Variants in SLC14A2 observed in about 807,000 individuals in gnomAD.
SLC14A2 encodes the protein urea transporter 2.
A neutral mutation model predicts 104.6 loss-of-function variants in SLC14A2; 91 were observed. The observed-to-expected ratio is 0.87, with a 90% confidence interval of 0.73 to 1.04. SLC14A2 has a LOEUF of 1.04. SLC14A2 is among the 50% of genes least tolerant of loss of function. SLC14A2 has a pLI of 0.00. For synonymous variants in SLC14A2, 476 were observed against 466.4 expected, an observed-to-expected ratio of 1.02 and a Z score of -0.27; for missense variants, 1,189 against 1,156.0, an observed-to-expected ratio of 1.03 and a Z score of -0.41.
chr18:45,553,460 G>A (rs566469584), intron 2 of SLC14A2, among the ~76,000 whole-genome samples: 31 of 152,170 alleles, frequency 2.0e-4, no homozygotes, highest in Non-Finnish European at 3.8e-4. Flanking sequence ...GATGACAACT[G>A]AGCAGGGATT....
chr18:45,654,139 G>GGC (rs989875420), intron 10 of SLC14A2, among the ~76,000 whole-genome samples: 6 of 151,270 alleles, frequency 4.0e-5, no homozygotes, highest in East Asian at 1.9e-4. Flanking sequence ...AGGAATGCTG[G>GGC]GGGGGACGTG....
At chr18:45,609,072 G>A (rs939169990) in intron 2 of SLC14A2, among the ~76,000 whole-genome samples, 3 of 152,158 alleles carry the variant, frequency 2.0e-5, no homozygotes, top group Non-Finnish European at 2.9e-5. Flanking sequence ...AGCCCCACCA[G>A]GGAGTCTTTG....
At chr18:45,507,227 TA>T (rs1332899891) in intron 2 of SLC14A2, 1 of 152,380 alleles carries the variant, frequency 6.6e-6, no homozygotes, top group African/African-American at 2.4e-5. Context: ...GGGAAGGTCC[TA>T]GGGGAGGTGG....
At position 45,678,928 on chromosome 18, in the gene SLC14A2, TTAAA is replaced by T. The variant is rs773496733; in HGVS notation, c.2513-44_2513-41del. On this transcript the variant is annotated intron_variant, in intron 18 of 19. Coordinates refer to ENST00000255226, the MANE Select transcript of SLC14A2 (RefSeq NM_007163.4). ...TATGTAGAGCAATCTTGAGGTGCTA[TTAAA>T]TAGTTACTGGTCTATTTCTTTCTTT... 3.9e-6 allele frequency: 6 copies of T among 1,526,688 alleles called. No individual in the cohort carries two copies. In the South Asian group the frequency reaches 5.8e-5, roughly 15 times the overall value. 94.6% of individuals were successfully genotyped at this position (1,526,688 alleles called of 1,614,324 possible). A position where few individuals can be genotyped will look rare whatever the true frequency, so the allele number is the denominator to read the frequency against.
At chr18:45,390,619 G>C (rs2085950012) in intron 1 of SLC14A2, among the ~76,000 whole-genome samples, 1 of 152,154 alleles carries the variant, frequency 6.6e-6, no homozygotes, top group Non-Finnish European at 1.5e-5. Context: ...GCACACATAA[G>C]AGAGGGTATA....
intron 1 of SLC14A2, among the ~76,000 whole-genome samples, chr18:45,367,184 A>G (rs959758555): frequency 6.6e-6 from 1 of 152,240 alleles, no homozygotes; most frequent in Non-Finnish European, 1.5e-5. Context: ...GAAACTTTGA[A>G]GTCCACCTTT....
chr18:45,566,250 G>A (rs1330592423), intron 2 of SLC14A2, among the ~76,000 whole-genome samples: 3 of 152,164 alleles, frequency 2.0e-5, no homozygotes, highest in African/African-American at 7.2e-5. Flanking sequence ...CTGAGGCTTG[G>A]AGAAGTTTAG....
chr18:45,401,566 AT>A (rs2144453475), intron 1 of SLC14A2, among the ~76,000 whole-genome samples: 1 of 152,336 alleles, frequency 6.6e-6, no homozygotes, highest in African/African-American at 2.4e-5. Flanking sequence ...CAGCAAAAGA[AT>A]TTGGTGCATT....
chr18:45,579,364 A>G (rs950951437), intron 2 of SLC14A2, among the ~76,000 whole-genome samples: 2 of 152,190 alleles, frequency 1.3e-5, no homozygotes, highest in African/African-American at 4.8e-5. Context: ...GAAACACACA[A>G]CTTCATGCAA....
At chr18:45,479,951 G>T (rs529782790) in intron 1 of SLC14A2, among the ~76,000 whole-genome samples, 31 of 152,262 alleles carry the variant, frequency 2.0e-4, no homozygotes, top group African/African-American at 7.5e-4. Flanking sequence ...TTCCATGAGG[G>T]TCTTCATCAT....
intron 2 of SLC14A2, among the ~76,000 whole-genome samples, chr18:45,530,189 A>T (rs539957296): frequency 8.4e-4 from 128 of 152,326 alleles, no homozygotes; most frequent in African/African-American, 2.9e-3. Flanking sequence ...TGTGCTAGGT[A>T]CTTGGGACGT....
chr18:45,416,169 T>C (rs1251064763), intron 1 of SLC14A2, among the ~76,000 whole-genome samples: 1 of 152,148 alleles, frequency 6.6e-6, no homozygotes, highest in African/African-American at 2.4e-5. Flanking sequence ...TAGAATTCAT[T>C]TGCCTATTTT....
chr18:45,506,646 C>A (rs566748421), intron 2 of SLC14A2, among the ~76,000 whole-genome samples: 1 of 152,298 alleles, frequency 6.6e-6, no homozygotes, highest in African/African-American at 2.4e-5. Context: ...ATGCCAGGAG[C>A]CACCAGAAGT....
chr18:45,224,506 G>C (rs949854845), intron 1 of SLC14A2, among the ~76,000 whole-genome samples: 4 of 152,128 alleles, frequency 2.6e-5, no homozygotes, highest in Non-Finnish European at 5.9e-5. Flanking sequence ...CTGAGGGCTG[G>C]GTGAATGGGC....
rs141248863 is a variant in SLC14A2 at position 45,240,330 on chromosome 18, C to T, written c.-125+27139C>T. The stretch of plus-strand genomic sequence containing the variant: ...CAGGATGGTCTTGATCTCCTGACCT[C>T]GTGATCAGCCCACCTCGGCCCCCCA... On this transcript the variant is annotated intron_variant, in intron 1 of 20. Coordinates refer to the SLC14A2 transcript ENST00000586448. Among the ~76,000 whole-genome samples the T allele has an allele frequency of 2.2e-3, 329 of 151,640 alleles. 2 individuals are homozygous for T. The highest frequency in any genetic ancestry group is 3.9e-3 in the Non-Finnish European group (262 of 67,902).
At chr18:45,654,136 C>CTGG (rs998670015) in intron 10 of SLC14A2, among the ~76,000 whole-genome samples, 2 of 55,040 alleles carry the variant, frequency 3.6e-5, no homozygotes, top group African/African-American at 9.8e-5. Flanking sequence ...GGCAGGAATG[C>CTGG]TGGGGGGGAC....
At chr18:45,340,249 T>A (rs1210750826) in intron 1 of SLC14A2, among the ~76,000 whole-genome samples, 1 of 152,226 alleles carries the variant, frequency 6.6e-6, no homozygotes, top group African/African-American at 2.4e-5. Context: ...AAATTACCTC[T>A]CTTACCATTT....
At chr18:45,475,650 T>TAGG (rs1568227894) in intron 1 of SLC14A2, among the ~76,000 whole-genome samples, 316 of 23,392 alleles carry the variant, frequency 0.014, no homozygotes, top group Non-Finnish European at 0.023. Flanking sequence ...AGGATATATA[T>TAGG]ATATATATAT....
At chr18:45,422,576 G>A (rs938075404) in intron 1 of SLC14A2, among the ~76,000 whole-genome samples, 1 of 152,108 alleles carries the variant, frequency 6.6e-6, no homozygotes, top group South Asian at 2.1e-4. Context: ...AGGGAGAGGG[G>A]CAGATTCAGG....
Sources: gnomAD v4.1 joint callset for allele counts (sites outside exome capture counted in the v4.1 genomes callset) on GRCh38, gnomAD v4.1.1 for gene constraint, MANE v1.5 for transcripts, NCBI Gene and HGNC (gene_info 2026-07-23, HGNC 2026-07-21) for gene names.